Variants in ZBTB44 observed in about 807,000 individuals in gnomAD.
ZBTB44 encodes the protein zinc finger and BTB domain containing 44, also known as zinc finger and BTB domain-containing protein 44.
In ZBTB44, 15 loss-of-function variants were observed where a neutral mutation model predicts 54.0. The observed-to-expected ratio is 0.28, with a 90% CI of 0.19 to 0.43. The LOEUF is 0.43. ZBTB44 is among the 20% of genes least tolerant of loss of function. ZBTB44 has a pLI of 1.00. For synonymous variants in ZBTB44, 230 were observed against 250.1 expected, an observed-to-expected ratio of 0.92 and a Z score of 0.76; for missense variants, 487 against 707.1, an observed-to-expected ratio of 0.69 and a Z score of 3.53.
intron 1 of ZBTB44, among the ~76,000 whole-genome samples, chr11:130,307,413 A>G (rs1458095094): frequency 2.4e-5 from 3 of 123,588 alleles, no homozygotes; most frequent in East Asian, 4.4e-4. Context: ...CAACACAGCA[A>G]GACTCTGTCT....
At chr11:130,300,441 AAC>A (rs1418312928) in intron 1 of ZBTB44, among the ~76,000 whole-genome samples, 2 of 152,220 alleles carry the variant, frequency 1.3e-5, no homozygotes, top group Non-Finnish European at 2.9e-5. Context: ...ACATAAATTA[AAC>A]AGAGAAGCCA....
rs141112019 is a variant in ZBTB44 at position 130,297,016 on chromosome 11, T to C, written c.-57+17359A>G. ...GAGAAGTCCAAAATCTTTAAACACA[T>C]TAGCAAGAAATCATCCGATAGCAGG... On this transcript the variant is annotated intron_variant, in intron 1 of 7. Transcript: ENST00000357899. The C allele has an allele frequency of 6.4e-5, 46 of 722,684 alleles. No individual in the cohort carries two copies. The African/African-American group carries it at 6.4e-4, about 10-fold the overall frequency. 44.8% of individuals were successfully genotyped at this position (722,684 alleles called of 1,614,324 possible).
chr11:130,233,157 A>C lies in ZBTB44; in HGVS notation c.*48+151T>G, dbSNP rs967227058. The C allele has an allele frequency of 1.8e-5, 17 of 957,904 alleles. No homozygotes were observed. The Admixed American group carries it at 3.4e-4, about 19-fold the overall frequency. 59.3% of individuals were successfully genotyped at this position (957,904 alleles called of 1,614,324 possible). ...TTTTTACTTTATATGGCAGCACGCCAATATATGCAAGAGAACATATTGATG... is the reference window on the plus strand; with the variant it reads ...TTTTTACTTTATATGGCAGCACGCCCATATATGCAAGAGAACATATTGATG... On this transcript the variant is annotated intron_variant, in intron 7 of 7. Coordinates refer to ENST00000357899, the MANE Select transcript of ZBTB44 (RefSeq NM_001301098.2).
At chr11:130,259,844 C>T (rs1170467197) in intron 2 of ZBTB44, among the ~76,000 whole-genome samples, 1 of 151,766 alleles carries the variant, frequency 6.6e-6, no homozygotes, top group African/African-American at 2.4e-5. Context: ...AGGATAAATA[C>T]GTAACGCAGA....
chr11:130,289,307 A>AC (rs1411749533), intron 1 of ZBTB44, among the ~76,000 whole-genome samples: 14 of 152,036 alleles, frequency 9.2e-5, no homozygotes, highest in African/African-American at 3.4e-4. Context: ...ACATGGTGAA[A>AC]CCCCGTCTCT....
chr11:130,267,785 C>T (rs913202500), intron 1 of ZBTB44, among the ~76,000 whole-genome samples: 6 of 151,938 alleles, frequency 3.9e-5, no homozygotes, highest in East Asian at 1.9e-4. Flanking sequence ...TCGTGAAGGC[C>T]GGGCGCAGTG....
chr11:130,276,232 C>CAA (rs757286125), intron 1 of ZBTB44, among the ~76,000 whole-genome samples: 1 of 31,736 alleles, frequency 3.2e-5, no homozygotes, highest in Non-Finnish European at 6.0e-5. Context: ...AACTCTGTCT[C>CAA]AAAAAAAAAA....
rs1456560609 is a variant in ZBTB44, at chr11:130,226,686, A to G, written c.*5078T>C. The G allele has an allele frequency of 6.6e-6, 1 of 152,240 alleles. No homozygotes were observed. The highest frequency in any genetic ancestry group is 1.5e-5 in the Non-Finnish European group (1 of 68,044). 9.4% of individuals were successfully genotyped at this position (152,240 alleles called of 1,614,324 possible). On this transcript the variant is annotated 3_prime_UTR_variant, in exon 8 of 8. Transcript: ENST00000357899. Reference sequence around the variant, plus strand: ...TAACAACAGCAGGAAGTTTTATTCCATAAAGCATAAGATATTTTAATGAGA... The same window carrying G: ...TAACAACAGCAGGAAGTTTTATTCCGTAAAGCATAAGATATTTTAATGAGA...
At position 130,302,069 on chromosome 11, in the gene ZBTB44, T is replaced by G. The variant is rs868747554; in HGVS notation, c.-57+12306A>C. Among the ~76,000 whole-genome samples, 33 of 150,680 alleles carry G rather than the reference T, an allele frequency of 2.2e-4. 1 individual carries two copies. Among genetic ancestry groups the G allele is most frequent in the South Asian group, 1.3e-3 (6 of 4,772 alleles). On this transcript the variant is annotated intron_variant, in intron 1 of 7. Coordinates refer to ENST00000357899, the MANE Select transcript of ZBTB44 (RefSeq NM_001301098.2). ...CCTGTCTCAAAAAAAAAAAAAAAAG[T>G]AATAATAATCATTAGTTTATAGTTA...
intron 1 of ZBTB44, among the ~76,000 whole-genome samples, chr11:130,279,384 T>A (rs1940348051): frequency 6.7e-6 from 1 of 149,868 alleles, no homozygotes; most frequent in Non-Finnish European, 1.5e-5. Context: ...TCAGGTTGGG[T>A]GCAGTGGCTC....
chr11:130,261,767 C>T lies in ZBTB44; in HGVS notation c.107G>A (p.Arg36His), dbSNP rs1409085928. 1 of 1,613,998 alleles carries T rather than the reference C, an allele frequency of 6.2e-7. No individual in the cohort carries two copies. Among genetic ancestry groups the T allele is most frequent in the Non-Finnish European group, 8.5e-7 (1 of 1,179,892 alleles). Residue 36 changes from arginine (R) to histidine (H), a missense_variant, in exon 2 of 8, where the codon CGT becomes CAT. By Grantham distance (29) the Arg-to-His change is conservative. Around this residue, in one of 3 missense-constraint regions of ZBTB44, gnomAD observed 90 missense variants for 160.3 expected, o/e 0.56. Transcript: ENST00000357899. The surrounding 1 kb of genome is among the most constrained non-coding windows in gnomAD (Gnocchi z 4.8). The part of the protein sequence containing the change: ...NDGHFCDITI[R>H]VQDKIFRAHK... The stretch of plus-strand genomic sequence containing the variant: ...TGCCCGGAAGATTTTGTCCTGGACA[C>T]GAATAGTGATATCACAAAAATGTCC...
intron 1 of ZBTB44, chr11:130,296,899 C>T (rs1941686767): frequency 5.5e-6 from 4 of 730,444 alleles, no homozygotes; most frequent in East Asian, 2.5e-5. Flanking sequence ...AAAGTGCCTG[C>T]CTTTGTTGAT....
Position 130,261,663 on chromosome 11 carries a change from C to T in ZBTB44, c.211G>A (p.Val71Met). The change falls in exon 2 of 8, where the codon GTG (valine) becomes ATG (methionine). Residue 71 changes from valine (V) to methionine (M), a missense_variant. By Grantham distance (21) the Val-to-Met change is conservative. This residue lies in a region of ZBTB44 where 90 missense variants were observed against 160.3 expected (regional missense o/e 0.56). Coordinates refer to ENST00000357899, the MANE Select transcript of ZBTB44 (RefSeq NM_001301098.2). The surrounding 1 kb of genome is among the most constrained non-coding windows in gnomAD (Gnocchi z 4.8). The stretch of plus-strand genomic sequence containing the variant: ...ACTGTAACATGATGCAGATCCAACA[C>T]ATTCTTGTTCTCATCCTCGGCTTGG... ...VGQAEDENKN[V>M]LDLHHVTVTG... is the part of the protein sequence containing the mutation. 1 of 1,614,054 alleles carries T rather than the reference C, an allele frequency of 6.2e-7. No homozygotes were observed. The highest frequency in any genetic ancestry group is 8.5e-7 in the Non-Finnish European group (1 of 1,179,900).
intron 7 of ZBTB44, chr11:130,232,986 G>C: frequency 4.6e-6 from 1 of 216,350 alleles, no homozygotes; most frequent in South Asian, 1.0e-4. Flanking sequence ...CTGGGCAACA[G>C]AGTGAGATGC....
intron 2 of ZBTB44, among the ~76,000 whole-genome samples, chr11:130,242,727 A>ATT (rs11370446): frequency 6.6e-6 from 1 of 151,952 alleles, no homozygotes; most frequent in African/African-American, 2.4e-5. Context: ...GTCTTTTTAC[A>ATT]TTTTTTTCCC....
intron 6 of ZBTB44, chr11:130,233,658 A>C: frequency 4.8e-6 from 6 of 1,261,670 alleles, no homozygotes; most frequent in Non-Finnish European, 6.0e-6. Flanking sequence ...GAAGGTCAAT[A>C]ATCATCTGAT....
intron 1 of ZBTB44, among the ~76,000 whole-genome samples, chr11:130,276,002 G>C (rs58500161): frequency 1.3e-5 from 2 of 151,182 alleles, no homozygotes; most frequent in Non-Finnish European, 1.5e-5. Context: ...CAAAGCGGGT[G>C]ATCACCTGAG....
chr11:130,290,822 A>G (rs1447161424), intron 1 of ZBTB44, among the ~76,000 whole-genome samples: 1 of 152,246 alleles, frequency 6.6e-6, no homozygotes. Context: ...TGAGGCTCAG[A>G]GAATTAAATG....
intron 1 of ZBTB44, among the ~76,000 whole-genome samples, chr11:130,271,658 T>TG (rs1939679185): frequency 1.3e-5 from 2 of 152,252 alleles, no homozygotes; most frequent in African/African-American, 4.8e-5. Context: ...CCATGTATCA[T>TG]GCCTCATTTA....
Sources: gnomAD v4.1 joint callset for allele counts (sites outside exome capture counted in the v4.1 genomes callset) on GRCh38, gnomAD v4.1.1 for gene constraint, gnomAD v4.1.1 regional missense constraint, Gnocchi (gnomAD v3.1) non-coding constraint, MANE v1.5 for transcripts, NCBI Gene and HGNC (gene_info 2026-07-23, HGNC 2026-07-21) for gene names.